The following BICC1 variants were observed in gnomAD, a reference collection of about 807,000 sequenced individuals.
The protein encoded by BICC1 is BicC family RNA binding protein 1.
A neutral mutation model predicts 111.0 loss-of-function variants in BICC1; 43 were observed. The observed-to-expected ratio is 0.39, with a 90% CI of 0.30 to 0.50. The LOEUF (loss-of-function observed/expected upper bound fraction) is 0.50, where lower values mean the gene tolerates loss of function less well. Ranked by LOEUF, BICC1 falls within the 20% of genes least tolerant of loss-of-function variation. The probability of loss-of-function intolerance (pLI) is 0.88; values close to 1 mark genes in which losing one functional copy is unlikely to be tolerated. For missense variants in BICC1, 1,091 were observed against 1,203.2 expected, an observed-to-expected ratio of 0.91 and a Z score of 1.38; for synonymous variants, 467 against 434.4, an observed-to-expected ratio of 1.07 and a Z score of -0.93.
intron 10 of BICC1, among the ~76,000 whole-genome samples, chr10:58,796,858 A>G (rs192988670): frequency 1.3e-4 from 20 of 152,212 alleles, no homozygotes; most frequent in Admixed American, 1.2e-3. Flanking sequence ...CTGCATTTGC[A>G]ATATTGTCTT....
chr10:58,760,475 A>G (rs1269034775), intron 3 of BICC1, among the ~76,000 whole-genome samples: 5 of 152,178 alleles, frequency 3.3e-5, no homozygotes, highest in Non-Finnish European at 7.4e-5. Context: ...TCATTTATTT[A>G]ATTGGTATTT....
intron 3 of BICC1, among the ~76,000 whole-genome samples, chr10:58,747,753 A>G (rs1308950469): frequency 1.3e-5 from 2 of 152,164 alleles, no homozygotes; most frequent in African/African-American, 2.4e-5. Flanking sequence ...GTATCTGTCA[A>G]CTTAGTTTTT....
intron 3 of BICC1, among the ~76,000 whole-genome samples, chr10:58,709,611 A>G (rs932171539): frequency 6.6e-6 from 1 of 152,244 alleles, no homozygotes; most frequent in African/African-American, 2.4e-5. Context: ...TGGAACCACT[A>G]ATACAGATGG....
In BICC1 at chr10:58,563,484, T is replaced by G. The variant is rs558737265; in HGVS notation, c.190+50151T>G. Among the ~76,000 whole-genome samples, 4 of 152,320 alleles carry G rather than the reference T, an allele frequency of 2.6e-5. No homozygotes were observed. The South Asian group carries it at 8.3e-4, about 32-fold the overall frequency. ...GTTCCTCTTGGTTCAAGCCAATCCT[T>G]GCTGGATGCTTTACTTCCTTCTCTG... is the stretch of plus-strand genomic sequence containing the variant. On this transcript the variant is annotated intron_variant, in intron 1 of 20. Coordinates refer to ENST00000373886, the MANE Select transcript of BICC1 (RefSeq NM_001080512.3).
chr10:58,541,278 T>C (rs917045071), intron 1 of BICC1, among the ~76,000 whole-genome samples: 1 of 152,092 alleles, frequency 6.6e-6, no homozygotes, highest in Non-Finnish European at 1.5e-5. Flanking sequence ...ATAGGTGACA[T>C]GATCTTGTAC....
At chr10:58,678,518 G>A (rs562210839) in intron 2 of BICC1, among the ~76,000 whole-genome samples, 2 of 152,190 alleles carry the variant, frequency 1.3e-5, no homozygotes, top group South Asian at 4.1e-4. Flanking sequence ...CCCAATACAG[G>A]AGCACCCAGA....
intron 6 of BICC1, 33 bp from the exon 7 acceptor site, chr10:58,789,229 T>C (rs1483550504): frequency 1.3e-6 from 2 of 1,575,800 alleles, no homozygotes; most frequent in Non-Finnish European, 1.7e-6. Context: ...ATGCTTTAAC[T>C]CTCTGCTTTG....
At chr10:58,562,747 G>A (rs1843642770) in intron 1 of BICC1, among the ~76,000 whole-genome samples, 1 of 25,546 alleles carries the variant, frequency 3.9e-5, no homozygotes, top group African/African-American at 1.0e-4. Flanking sequence ...GTTTTTGTAA[G>A]GATAATTTTT....
intron 3 of BICC1, among the ~76,000 whole-genome samples, chr10:58,780,003 A>G (rs576216018): frequency 7.2e-5 from 11 of 152,208 alleles, no homozygotes; most frequent in African/African-American, 2.2e-4. Flanking sequence ...CATATTCCCA[A>G]TGGTTGCAAA....
intron 1 of BICC1, among the ~76,000 whole-genome samples, chr10:58,619,665 G>A (rs1398342656): frequency 1.3e-5 from 2 of 152,076 alleles, no homozygotes; most frequent in Non-Finnish European, 2.9e-5. Context: ...AGTAGAGACA[G>A]GGTTTCACTA....
intron 2 of BICC1, among the ~76,000 whole-genome samples, chr10:58,669,022 G>T (rs1362775978): frequency 6.6e-6 from 1 of 152,054 alleles, no homozygotes; most frequent in Non-Finnish European, 1.5e-5. Flanking sequence ...TATAGTAAGA[G>T]AAACTAATAT....
chr10:58,558,064 A>G (rs1025559553), intron 1 of BICC1, among the ~76,000 whole-genome samples: 7 of 152,122 alleles, frequency 4.6e-5, no homozygotes, highest in Admixed American at 1.3e-4. Flanking sequence ...TTTACCTCCT[A>G]CTGAGGCAAA....
intron 1 of BICC1, among the ~76,000 whole-genome samples, chr10:58,590,748 T>A (rs563625313): frequency 6.6e-6 from 1 of 152,324 alleles, no homozygotes; most frequent in South Asian, 2.1e-4. Context: ...GCATTTAAGA[T>A]CCTTCCCCAT....
intron 3 of BICC1, among the ~76,000 whole-genome samples, chr10:58,708,474 G>A (rs1366990413): frequency 2.0e-5 from 3 of 152,210 alleles, no homozygotes; most frequent in African/African-American, 7.2e-5. Flanking sequence ...GTTAAGAGCA[G>A]AGGTTTAATA....
intron 1 of BICC1, among the ~76,000 whole-genome samples, chr10:58,546,479 A>G (rs1843140154): frequency 6.6e-6 from 1 of 152,166 alleles, no homozygotes; most frequent in Admixed American, 6.6e-5. Flanking sequence ...TACGAAAAAT[A>G]TTTATGGGCC....
intron 2 of BICC1, among the ~76,000 whole-genome samples, chr10:58,623,169 A>C (rs1845879021): frequency 6.6e-6 from 1 of 152,186 alleles, no homozygotes; most frequent in Non-Finnish European, 1.5e-5. Flanking sequence ...TAAAATCATA[A>C]TGACTATACT....
intron 15 of BICC1, among the ~76,000 whole-genome samples, chr10:58,803,513 G>T (rs776028573): frequency 1.3e-5 from 2 of 152,112 alleles, no homozygotes; most frequent in Non-Finnish European, 2.9e-5. Flanking sequence ...CATTATTCAT[G>T]TGTTACTTAA....
intron 8 of BICC1, 136 bp from the exon 9 acceptor site, chr10:58,793,348 A>G (rs986985303): frequency 2.3e-6 from 2 of 856,000 alleles, no homozygotes; most frequent in African/African-American, 3.5e-5. Flanking sequence ...ATGTGAACTT[A>G]TATAATTCAG....
At chr10:58,770,162 T>A (rs184196727) in intron 3 of BICC1, among the ~76,000 whole-genome samples, 22 of 152,238 alleles carry the variant, frequency 1.4e-4, no homozygotes, top group Admixed American at 1.4e-3. Flanking sequence ...GTAGGTATCA[T>A]TGAGAGGCTC....
Sources: allele counts gnomAD v4.1 joint callset (sites outside exome capture counted in the v4.1 genomes callset), GRCh38; gene constraint gnomAD v4.1.1; transcripts MANE v1.5; gene names NCBI Gene and HGNC (gene_info 2026-07-23, HGNC 2026-07-21).